The following JAG2 variants were observed in gnomAD, a reference collection of about 807,000 sequenced individuals.
JAG2 encodes jagged canonical Notch ligand 2, also known as protein jagged-2.
JAG2 carries 46 observed loss-of-function variants against 141.7 expected under a neutral mutation model. The ratio of observed to expected loss-of-function variants is 0.32; its 90% CI spans 0.26 to 0.42. JAG2 has a LOEUF of 0.42. JAG2 is among the 10% of genes least tolerant of loss of function. JAG2 has a pLI of 1.00. For synonymous variants in JAG2, 862 were observed against 763.5 expected, an observed-to-expected ratio of 1.13 and a Z score of -2.13; for missense variants, 1,500 against 1,817.5, an observed-to-expected ratio of 0.83 and a Z score of 3.18.
At position 105,148,784 on chromosome 14, in the gene JAG2, A is replaced by G. The variant is rs1282186369; in HGVS notation, c.1981T>C (p.Phe661Leu). 1 of 1,592,582 alleles carries G rather than the reference A, an allele frequency of 6.3e-7. No individual in the cohort carries two copies. Among genetic ancestry groups the G allele is most frequent in the East Asian group, 2.3e-5 (1 of 44,104 alleles). Residue 661 changes from phenylalanine (F) to leucine (L), a missense_variant, in exon 15 of 26, where the codon TTC (phenylalanine) becomes CTC (leucine). Phe to Leu is a conservative substitution (Grantham distance 22, BLOSUM62 0). This residue lies in a region of JAG2 where 875 missense variants were observed against 1,202.2 expected (regional missense o/e 0.73). Coordinates refer to ENST00000331782, the MANE Select transcript of JAG2 (RefSeq NM_002226.5). ...TCGCCCTCCCAGCCGCTGGGGCAGA[A>G]GCAGCGGAAGGCGTCCACCTCATCG... is the stretch of plus-strand genomic sequence containing the variant. ...CIDEVDAFRC[F>L]CPSGWEGELC...
At chr14:105,143,223 G>T in intron 25 of JAG2, 53 bp from the exon 26 acceptor site, 1 of 1,551,840 alleles carries the variant, frequency 6.4e-7, no homozygotes. Context: ...CACCTGCGGG[G>T]CACTAGCCAC....
intron 2 of JAG2, among the ~76,000 whole-genome samples, chr14:105,166,710 G>A (rs587652466): frequency 6.5e-4 from 99 of 152,328 alleles, no homozygotes; most frequent in African/African-American, 2.3e-3. Context: ...GCTCGGCAGG[G>A]ATTGCCCTCA....
chr14:105,155,934 G>T lies in JAG2; in HGVS notation c.531C>A (p.Arg177=). The T allele has an allele frequency of 1.9e-6, 3 of 1,611,456 alleles. No homozygotes were observed. The African/African-American group carries it at 4.0e-5, about 21-fold the overall frequency. ...GGCCGCTGAAGTGCAGGCTCTTCCA[G>T]CGGTCCTCCGGGTTGATCATGCCGG... ...SHAGMINPED[R]WKSLHFSGHV... Residue 177 remains arginine, a synonymous_variant, in exon 4 of 26, where the codon CGC becomes CGA. Coordinates refer to ENST00000331782, the MANE Select transcript of JAG2 (RefSeq NM_002226.5).
chr14:105,168,344 G>T lies in JAG2; in HGVS notation c.66+11C>A. 6.9e-6 allele frequency: 3 copies of T among 432,806 alleles called. No individual in the cohort carries two copies. The highest frequency in any genetic ancestry group is 5.4e-5 in the Admixed American group (1 of 18,448). The allele number at this position is 432,806 out of a possible 1,614,324, so 26.8% of individuals were successfully genotyped here. A position where few individuals can be genotyped will look rare whatever the true frequency, so the allele number is the denominator to read the frequency against. On this transcript the variant is annotated intron_variant, in intron 1 of 25. Coordinates refer to ENST00000331782, the MANE Select transcript of JAG2 (RefSeq NM_002226.5). ...GTCCGCGACCCCCGCCGCCCCCGCCGCCCCGCTCACCTGCACCCAGAGCGC... is the reference window on the plus strand; with the variant it reads ...GTCCGCGACCCCCGCCGCCCCCGCCTCCCCGCTCACCTGCACCCAGAGCGC...
chr14:105,148,207 G>A lies in JAG2; in HGVS notation c.2157C>T (p.Tyr719=), dbSNP rs1394210546. 1.3e-6 allele frequency: 2 copies of A among 1,556,726 alleles called. No individual in the cohort carries two copies. Among genetic ancestry groups the A allele is most frequent in the Non-Finnish European group, 1.7e-6 (2 of 1,150,652 alleles). ...AGCAGGTGCCACCGTTGCTGCAGGTGTAGGCATCGCACTGGAACTCGCCTG... is the reference window on the plus strand; with the variant it reads ...AGCAGGTGCCACCGTTGCTGCAGGTATAGGCATCGCACTGGAACTCGCCTG... ...CHSREFQCDA[Y]TCSNGGTCYD... The change falls in exon 17 of 26, where the codon TAC becomes TAT. Residue 719 remains tyrosine, a synonymous_variant. Transcript: ENST00000331782.
chr14:105,144,003 G>C (rs1231357928), intron 24 of JAG2, among the ~76,000 whole-genome samples: 1 of 150,584 alleles, frequency 6.6e-6, no homozygotes, highest in Non-Finnish European at 1.5e-5. Flanking sequence ...GTGAGGGGTG[G>C]GGGGAAGTGG....
chr14:105,158,424 G>C (rs1448112280), intron 2 of JAG2, among the ~76,000 whole-genome samples: 1 of 152,108 alleles, frequency 6.6e-6, no homozygotes, highest in Non-Finnish European at 1.5e-5. Context: ...AGAGGTCCTG[G>C]GACTGCCCAG....
rs1481395158 is a variant in JAG2, at chr14:105,143,613, G to A, written c.3110C>T (p.Pro1037Leu). The change falls in exon 25 of 26, where the codon CCT becomes CTT. Residue 1037 changes from proline to leucine, a missense_variant. Coordinates refer to ENST00000331782, the MANE Select transcript of JAG2 (RefSeq NM_002226.5). ...CGCGCCCTGGATCAGGCTGCTGTCA[G>A]GCAGGTCCCTGGCAGGGCTGAAGGA... ...AVSFSPARDL[P>L]DSSLIQGAAH... is the part of the protein sequence containing the mutation. 1.2e-6 allele frequency: 2 copies of A among 1,608,384 alleles called. No individual in the cohort carries two copies.
At position 105,161,571 on chromosome 14, in the gene JAG2, C is replaced by T. The variant is rs1394883916; in HGVS notation, c.418-3808G>A. On this transcript the variant is annotated intron_variant, in intron 2 of 25. Coordinates refer to ENST00000331782, the MANE Select transcript of JAG2 (RefSeq NM_002226.5). ...TGCCCGCCCGCCGAGAGGGCCTCAC[C>T]GCCCGCCAGCTGGGGTCCCTACACC... 3.9e-5 allele frequency among the ~76,000 whole-genome samples: 6 copies of T among 152,270 alleles called. No homozygotes were observed. The East Asian group carries it at 7.7e-4, about 20-fold the overall frequency.
In JAG2 at chr14:105,142,847, C is replaced by A; in HGVS notation, c.3565G>T (p.Asp1189Tyr). The A allele has an allele frequency of 6.2e-7, 1 of 1,609,368 alleles. No individual in the cohort carries two copies. Among genetic ancestry groups the A allele is most frequent in the South Asian group, 1.1e-5 (1 of 90,390 alleles). Reference protein sequence around the residue: ...EDEDLGRGEEDSLEAEKFLSH... With the variant: ...EDEDLGRGEEYSLEAEKFLSH... ...AGGAACTTCTCCGCCTCCAGGGAGT[C>A]CTCCTCACCGCGGCCCAGATCCTCG... The change falls in exon 26 of 26, where the codon GAC becomes TAC. Residue 1189 changes from aspartate (D) to tyrosine (Y), a missense_variant. Physicochemically the swap from Asp to Tyr is radical, Grantham distance 160 (BLOSUM62 -3). Transcript: ENST00000331782.
chr14:105,159,719 C>A (rs1282117260), intron 2 of JAG2, among the ~76,000 whole-genome samples: 1 of 98,734 alleles, frequency 1.0e-5, no homozygotes, highest in Non-Finnish European at 2.1e-5. Context: ...TCCATCCACA[C>A]CCCCCCAGAG....
chr14:105,167,718 G>T lies in JAG2; in HGVS notation c.417+39C>A. 1 of 1,401,138 alleles carries T rather than the reference G, an allele frequency of 7.1e-7. No individual in the cohort carries two copies. Among genetic ancestry groups the T allele is most frequent in the South Asian group, 1.5e-5 (1 of 67,104 alleles). The allele number at this position is 1,401,138 out of a possible 1,614,324, so 86.8% of individuals were successfully genotyped here. A position where few individuals can be genotyped will look rare whatever the true frequency, so the allele number is the denominator to read the frequency against. Reference sequence around the variant, plus strand: ...CGCGCGGGGCCGGGGCGCGGAGAGAGAGGGAAGGGCTGGAGCACGAGGGAT... The same window carrying T: ...CGCGCGGGGCCGGGGCGCGGAGAGATAGGGAAGGGCTGGAGCACGAGGGAT... On this transcript the variant is annotated intron_variant, in intron 2 of 25. Coordinates refer to ENST00000331782, the MANE Select transcript of JAG2 (RefSeq NM_002226.5). The surrounding 1 kb of genome is among the most constrained non-coding windows in gnomAD (Gnocchi z 4.8).
chr14:105,159,503 C>T (rs1006897335), intron 2 of JAG2, among the ~76,000 whole-genome samples: 1 of 151,936 alleles, frequency 6.6e-6, no homozygotes, highest in African/African-American at 2.4e-5. Context: ...CAAACCTCTG[C>T]CTACAGGCGC....
intron 2 of JAG2, among the ~76,000 whole-genome samples, chr14:105,163,247 C>G (rs11160836): frequency 0.7 from 106,283 of 152,156 alleles, 37,907 homozygotes; most frequent in African/African-American, 0.85. Context: ...TCACCCGAGG[C>G]AGGGAAGAAG....
chr14:105,157,918 G>T, intron 2 of JAG2, 155 bp from the exon 3 acceptor site: 1 of 729,384 alleles, frequency 1.4e-6, no homozygotes, highest in Non-Finnish European at 2.4e-6. Flanking sequence ...CTCATCCTCA[G>T]GCCACATCCT....
chr14:105,164,682 A>G (rs1888858087), intron 2 of JAG2, among the ~76,000 whole-genome samples: 1 of 151,862 alleles, frequency 6.6e-6, no homozygotes, highest in South Asian at 2.1e-4. Context: ...CTCTGTAAAA[A>G]CCTTCCTCCC....
chr14:105,150,685 G>A lies in JAG2; in HGVS notation c.1521C>T (p.Cys507=). The part of the protein sequence containing the change: ...LERDECASSP[C]HSGGLCEDLA... ...GGTCCTCGCAGAGGCCGCCGCTGTG[G>A]CAGGGGCTGCTGGCACACTCGTCTC... Residue 507 remains cysteine (C), a synonymous_variant, in exon 12 of 26, where the codon TGC becomes TGT. Coordinates refer to ENST00000331782, the MANE Select transcript of JAG2 (RefSeq NM_002226.5). 1 of 1,553,318 alleles carries A rather than the reference G, an allele frequency of 6.4e-7. No individual in the cohort carries two copies. The highest frequency in any genetic ancestry group is 8.7e-7 in the Non-Finnish European group (1 of 1,148,586).
In JAG2 at chr14:105,142,907, C is replaced by T; in HGVS notation, c.3505G>A (p.Ala1169Thr). 6.2e-7 allele frequency: 1 copy of T among 1,603,734 alleles called. No individual in the cohort carries two copies. The highest frequency in any genetic ancestry group is 1.1e-5 in the South Asian group (1 of 90,146). The change falls in exon 26 of 26, where the codon GCC becomes ACC. Residue 1169 changes from alanine to threonine, a missense_variant. Coordinates refer to ENST00000331782, the MANE Select transcript of JAG2 (RefSeq NM_002226.5). ...TCCTCCCTGACGGCCGCGTGGCCGG[C>T]CGGCCCGGGCAGCGCCTCGTCCGCC... The part of the protein sequence containing the change: ...RRADEALPGP[A>T]GHAAVREDEE...
chr14:105,146,036 A>C, intron 22 of JAG2, 63 bp from the exon 23 acceptor site: 1 of 1,561,304 alleles, frequency 6.4e-7, no homozygotes, highest in Non-Finnish European at 8.6e-7. Context: ...GCAGGCACAC[A>C]GATGAGAACC....
Sources: gnomAD v4.1 joint callset for allele counts (sites outside exome capture counted in the v4.1 genomes callset) on GRCh38, gnomAD v4.1.1 for gene constraint, gnomAD v4.1.1 regional missense constraint, Gnocchi (gnomAD v3.1) non-coding constraint, MANE v1.5 for transcripts, NCBI Gene and HGNC (gene_info 2026-07-23, HGNC 2026-07-21) for gene names.